Variants in PALD1 observed in about 807,000 individuals in gnomAD.
PALD1 encodes phosphatase domain containing paladin 1.
Under a neutral mutation model 96.0 loss-of-function variants are expected in PALD1, and 57 were observed. That is an observed-to-expected ratio of 0.59 (90% CI 0.48 to 0.74). The LOEUF (loss-of-function observed/expected upper bound fraction) is 0.74. PALD1 is among the 30% of genes least tolerant of loss of function. PALD1 has a pLI of 0.00. For missense variants in PALD1, 1,063 were observed against 1,143.7 expected (o/e 0.93, Z 1.02); for synonymous variants, 464 against 473.6 (o/e 0.98, Z 0.26).
intron 1 of PALD1, among the ~76,000 whole-genome samples, chr10:70,492,853 A>G (rs922356701): frequency 2.0e-5 from 3 of 152,210 alleles, no homozygotes; most frequent in African/African-American, 7.2e-5. Flanking sequence ...ATTTTATGGT[A>G]TGTGAATTAT....
At chr10:70,522,232 AC>A (rs1846753548) in intron 1 of PALD1, among the ~76,000 whole-genome samples, 1 of 152,082 alleles carries the variant, frequency 6.6e-6, no homozygotes, top group Admixed American at 6.5e-5. Context: ...TGCAAATCCC[AC>A]TTTGCAAATG....
chr10:70,477,777 C>T (rs888504562), upstream of PALD1, among the ~76,000 whole-genome samples: 4 of 152,188 alleles, frequency 2.6e-5, no homozygotes, highest in African/African-American at 4.8e-5. Context: ...AACCCCAGCT[C>T]GCCGAAATCC....
chr10:70,469,765 G>C, the PALD1 span, among the ~76,000 whole-genome samples: 1 of 151,916 alleles, frequency 6.6e-6, no homozygotes, highest in Non-Finnish European at 1.5e-5. Context: ...GGTCTGGCAG[G>C]GTGCACTGAC....
the PALD1 span, among the ~76,000 whole-genome samples, chr10:70,469,368 C>T: frequency 2.6e-5 from 4 of 152,172 alleles, no homozygotes; most frequent in African/African-American, 9.7e-5. Context: ...CACACACAGG[C>T]AGGCTGGGGA....
chr10:70,514,439 C>T (rs1846581324), intron 1 of PALD1, among the ~76,000 whole-genome samples: 1 of 150,798 alleles, frequency 6.6e-6, no homozygotes, highest in Non-Finnish European at 1.5e-5. Flanking sequence ...TGAAGGGTTC[C>T]TGTGATCCCA....
intron 1 of PALD1, among the ~76,000 whole-genome samples, chr10:70,494,719 GGC>G (rs1846160537): frequency 6.6e-6 from 1 of 152,192 alleles, no homozygotes; most frequent in Admixed American, 6.5e-5. Context: ...CACTGAGTTT[GGC>G]AAGTTAGAGG....
intron 1 of PALD1, among the ~76,000 whole-genome samples, chr10:70,489,817 C>T (rs573951241): frequency 1.3e-5 from 2 of 152,332 alleles, no homozygotes; most frequent in South Asian, 2.1e-4. Flanking sequence ...AGTCACTCCC[C>T]ACCCCCAGCC....
intron 1 of PALD1, among the ~76,000 whole-genome samples, chr10:70,501,834 T>TGTGC (rs774868338): frequency 3.3e-5 from 5 of 149,384 alleles, no homozygotes; most frequent in Admixed American, 1.3e-4. Context: ...TGTGTGTGTG[T>TGTGC]GCGTGCGTGC....
rs374111481 is a variant in PALD1 at position 70,529,324 on chromosome 10, T to A, written c.281T>A (p.Leu94Gln). 5.1e-6 allele frequency: 8 copies of A among 1,553,532 alleles called. No individual in the cohort carries two copies. The highest frequency in any genetic ancestry group is 1.4e-5 in the African/African-American group (1 of 73,308). The change falls in exon 3 of 20, where the codon CTG (leucine) becomes CAG (glutamine). Residue 94 changes from leucine to glutamine, a missense_variant. By Grantham distance (113) the Leu-to-Gln change is moderately radical (BLOSUM62 -2). Transcript: ENST00000263563. ...TCGGACAACACCCCTGAGCACTACC[T>A]GGTGCAAGTGAGCTCAGGCCTTACC... ...RLSDNTPEHY[L>Q]VQGRYFLVRD...
intron 11 of PALD1, 96 bp downstream of exon 11, chr10:70,538,002 C>T (rs1280269673): frequency 1.0e-6 from 1 of 977,324 alleles, no homozygotes; most frequent in African/African-American, 1.6e-5. Flanking sequence ...GGAGACCCCC[C>T]AAGGAACCGG....
In PALD1 at chr10:70,539,375, C is replaced by A; in HGVS notation, c.1725+128C>A. 9.0e-7 allele frequency: 1 copy of A among 1,108,820 alleles called. No homozygotes were observed. The highest frequency in any genetic ancestry group is 1.3e-6 in the Non-Finnish European group (1 of 795,186). 68.7% of individuals were successfully genotyped at this position (1,108,820 alleles called of 1,614,324 possible). On this transcript the variant is annotated intron_variant, in intron 14 of 19. Coordinates refer to ENST00000263563, the MANE Select transcript of PALD1 (RefSeq NM_014431.3). This position sits in a 1 kb window ranked among gnomAD's most constrained non-coding sequence, Gnocchi z 4.5. ...TCTGAGGCCCCGGGAGGAGCAGTGT[C>A]AGGGAGTGGCCAACTCAGGATTCCC...
chr10:70,507,773 G>C (rs1846422111), intron 1 of PALD1, among the ~76,000 whole-genome samples: 1 of 151,170 alleles, frequency 6.6e-6, no homozygotes, highest in Non-Finnish European at 1.5e-5. Context: ...GTGTGTGTGT[G>C]TGTGTGTGTG....
At chr10:70,501,834 T>TGC (rs1554854861) in intron 1 of PALD1, among the ~76,000 whole-genome samples, 2 of 149,384 alleles carry the variant, frequency 1.3e-5, no homozygotes, top group African/African-American at 4.9e-5. Flanking sequence ...TGTGTGTGTG[T>TGC]GCGTGCGTGC....
intron 18 of PALD1, among the ~76,000 whole-genome samples, chr10:70,554,484 A>G (rs563716879): frequency 1.3e-5 from 2 of 152,260 alleles, no homozygotes; most frequent in Non-Finnish European, 2.9e-5. Flanking sequence ...AAGAAAACCC[A>G]TTGAACTAAG....
chr10:70,465,140 A>G, the PALD1 span, among the ~76,000 whole-genome samples: 3 of 151,592 alleles, frequency 2.0e-5, no homozygotes, highest in African/African-American at 7.3e-5. Flanking sequence ...ATGCCCAGCT[A>G]ATTTTTTGTA....
At chr10:70,534,126 C>A in intron 8 of PALD1, 53 bp downstream of exon 8, 1 of 1,482,028 alleles carries the variant, frequency 6.7e-7, no homozygotes, top group Non-Finnish European at 9.0e-7. Context: ...GAGGAGGGGA[C>A]AGGCTGCCCC....
rs755274089 is a variant in PALD1, at chr10:70,529,944, TG to T, written c.347del (p.Gly116GlufsTer103). 1.2e-6 allele frequency: 2 copies of T among 1,613,828 alleles called. No individual in the cohort carries two copies. The highest frequency in any genetic ancestry group is 1.7e-6 in the Non-Finnish European group (2 of 1,179,888). ...VTEKMDVLGT[V>X]GSCGAPNFRQ... ...GAGAAGATGGATGTGCTGGGCACCGTGGGAAGCTGTGGGGCCCCCAACTTCC... is the reference window on the plus strand; with the variant it reads ...GAGAAGATGGATGTGCTGGGCACCGTGGAAGCTGTGGGGCCCCCAACTTCC... On this transcript the variant is annotated frameshift_variant, in exon 4 of 20. Coordinates refer to ENST00000263563, the MANE Select transcript of PALD1 (RefSeq NM_014431.3). LOFTEE classifies it high-confidence loss of function.
At chr10:70,500,711 C>T (rs1281182689) in intron 1 of PALD1, among the ~76,000 whole-genome samples, 1 of 152,158 alleles carries the variant, frequency 6.6e-6, no homozygotes. Flanking sequence ...CCTCTCTGTG[C>T]CTCAGTTTCC....
intron 1 of PALD1, among the ~76,000 whole-genome samples, chr10:70,519,206 G>A (rs1280438280): frequency 6.6e-6 from 1 of 152,176 alleles, no homozygotes; most frequent in Admixed American, 6.5e-5. Context: ...GCCTCCCAAA[G>A]TAGTGGGATT....
Sources: gnomAD v4.1 joint callset for allele counts (sites outside exome capture counted in the v4.1 genomes callset) on GRCh38, gnomAD v4.1.1 for gene constraint, Gnocchi (gnomAD v3.1) non-coding constraint, MANE v1.5 for transcripts, NCBI Gene and HGNC (gene_info 2026-07-23, HGNC 2026-07-21) for gene names.